Variants in COLEC12 observed in about 807,000 individuals in gnomAD.
COLEC12 encodes collectin subfamily member 12, also known as collectin-12.
Under a neutral mutation model 71.1 loss-of-function variants are expected in COLEC12, and 33 were observed. That is an observed-to-expected ratio of 0.46 (90% CI 0.35 to 0.62). The LOEUF (loss-of-function observed/expected upper bound fraction) is 0.62. Ranked by LOEUF, COLEC12 falls within the 20% of genes least tolerant of loss-of-function variation. COLEC12 has a pLI of 0.00. For missense variants in COLEC12, 765 were observed against 916.1 expected (o/e 0.84, Z 2.13); for synonymous variants, 350 against 353.0 (o/e 0.99, Z 0.10).
chr18:390,299 C>T (rs915530384), intron 2 of COLEC12, among the ~76,000 whole-genome samples: 1 of 128,234 alleles, frequency 7.8e-6, no homozygotes, highest in Admixed American at 9.2e-5. Context: ...TCTCCTCCTT[C>T]GAGCTATTTC....
intron 3 of COLEC12, among the ~76,000 whole-genome samples, chr18:351,019 G>C (rs1360398145): frequency 6.6e-6 from 1 of 151,016 alleles, no homozygotes; most frequent in African/African-American, 2.4e-5. Context: ...TCAATTATGA[G>C]CCAACGGATC....
intron 2 of COLEC12, among the ~76,000 whole-genome samples, chr18:392,098 G>A (rs1202633793): frequency 1.3e-5 from 2 of 152,204 alleles, no homozygotes; most frequent in Admixed American, 1.3e-4. Context: ...GACTGTGCCT[G>A]TCTCTCCGTG....
rs576651906 is a variant in COLEC12, at chr18:318,013, G to A, written c.*2032C>T. ...TTCTTTTTGAGATGAGTCTCGCTCT[G>A]TCGCCCAGGCTGGAGTGCAGTGGCG... On this transcript the variant is annotated 3_prime_UTR_variant, in exon 10 of 10. Coordinates refer to ENST00000400256, the MANE Select transcript of COLEC12 (RefSeq NM_130386.3). 10 of 148,140 alleles carry A rather than the reference G, an allele frequency of 6.8e-5. No homozygotes were observed. The highest frequency in any genetic ancestry group is 2.2e-4 in the African/African-American group (9 of 40,480). 9.2% of individuals were successfully genotyped at this position (148,140 alleles called of 1,614,324 possible). A position where few individuals can be genotyped will look rare whatever the true frequency, so the allele number is the denominator to read the frequency against.
chr18:440,772 A>G (rs1291779044), intron 2 of COLEC12, among the ~76,000 whole-genome samples: 2 of 152,170 alleles, frequency 1.3e-5, no homozygotes, highest in African/African-American at 2.4e-5. Context: ...GCATTTTCAC[A>G]TATGTTAATG....
Position 346,687 on chromosome 18 carries a change from T to C in COLEC12, c.935A>G (p.Lys312Arg). 1 of 1,614,234 alleles carries C rather than the reference T, an allele frequency of 6.2e-7. No homozygotes were observed. Among genetic ancestry groups the C allele is most frequent in the Non-Finnish European group, 8.5e-7 (1 of 1,180,028 alleles). ...TISQANEQNL[K>R]DLQDLHKDAE... ...ATCTTTGTGTAAGTCCTGCAGGTCT[T>C]TCAGGTTCTGCTCGTTGGCTTGAGA... Residue 312 changes from lysine (K) to arginine (R), a missense_variant, in exon 5 of 10, where the codon AAA becomes AGA. Coordinates refer to ENST00000400256, the MANE Select transcript of COLEC12 (RefSeq NM_130386.3). This position sits in a 1 kb window ranked among gnomAD's most constrained non-coding sequence, Gnocchi z 4.0.
intron 2 of COLEC12, among the ~76,000 whole-genome samples, chr18:414,149 C>T (rs1366434492): frequency 6.6e-6 from 1 of 152,174 alleles, no homozygotes; most frequent in Admixed American, 6.5e-5. Context: ...GTAAGGGGTA[C>T]ATAGGAACTC....
chr18:470,434 C>G (rs1266796241), intron 2 of COLEC12, among the ~76,000 whole-genome samples: 1 of 151,534 alleles, frequency 6.6e-6, no homozygotes, highest in African/African-American at 2.4e-5. Context: ...GGGGTTTCAC[C>G]ATGTTGGCCA....
rs1356628870 is a variant in COLEC12 at position 408,795 on chromosome 18, TCAGAAATGATTGTGTAC to T, written c.59-51290_59-51274del. Among the ~76,000 whole-genome samples, 4 of 152,202 alleles carry T rather than the reference TCAGAAATGATTGTGTAC, an allele frequency of 2.6e-5. No homozygotes were observed. The East Asian group carries it at 7.7e-4, about 29-fold the overall frequency. ...CTAAAATAGGATTGAACTGCCTAAT[TCAGAAATGATTGTGTAC>T]CATACTTATTTAATTTTTAATTTTT... On this transcript the variant is annotated intron_variant, in intron 2 of 9. Coordinates refer to ENST00000400256, the MANE Select transcript of COLEC12 (RefSeq NM_130386.3). This position sits in a 1 kb window ranked among gnomAD's most constrained non-coding sequence, Gnocchi z 4.3.
intron 5 of COLEC12, among the ~76,000 whole-genome samples, chr18:335,556 G>A (rs907103524): frequency 2.0e-5 from 3 of 152,126 alleles, no homozygotes; most frequent in Non-Finnish European, 4.4e-5. Flanking sequence ...AAAGAAGAGG[G>A]GATTAGGTCA....
At chr18:472,692 A>AAG (rs1917224091) in intron 2 of COLEC12, among the ~76,000 whole-genome samples, 1 of 150,722 alleles carries the variant, frequency 6.6e-6, no homozygotes, top group Non-Finnish European at 1.5e-5. Flanking sequence ...AAAAAAAAAA[A>AAG]AAAAAAAAAA....
chr18:453,472 A>T (rs1017899830), intron 2 of COLEC12, among the ~76,000 whole-genome samples: 5 of 152,190 alleles, frequency 3.3e-5, no homozygotes, highest in African/African-American at 1.2e-4. Context: ...ACAGAGACAG[A>T]GACAGAACAC....
In COLEC12 at chr18:424,495, T is replaced by C. The variant is rs772443866; in HGVS notation, c.58+56212A>G. 4.6e-5 allele frequency: 7 copies of C among 152,366 alleles called. No homozygotes were observed. In the East Asian group the frequency reaches 7.7e-4, roughly 17 times the overall value. 9.4% of individuals were successfully genotyped at this position (152,366 alleles called of 1,614,324 possible). On this transcript the variant is annotated intron_variant, in intron 2 of 9. Transcript: ENST00000400256. ...TTAGAATAGCCTTTGAGGTTTTTCC[T>C]ATGTTGTTTTATAAGAGGCTTCTGC...
intron 2 of COLEC12, among the ~76,000 whole-genome samples, chr18:359,696 T>C (rs1158469454): frequency 6.6e-6 from 1 of 152,212 alleles, no homozygotes; most frequent in African/African-American, 2.4e-5. Flanking sequence ...GAAAATCACA[T>C]TGTAAGGAAT....
intron 2 of COLEC12, among the ~76,000 whole-genome samples, chr18:388,783 G>GC (rs1356636694): frequency 1.3e-5 from 2 of 152,200 alleles, no homozygotes; most frequent in Non-Finnish European, 2.9e-5. Flanking sequence ...GGACTAAACA[G>GC]AGATGAGGTT....
At chr18:369,346 G>A (rs1914941801) in intron 2 of COLEC12, among the ~76,000 whole-genome samples, 1 of 151,200 alleles carries the variant, frequency 6.6e-6, no homozygotes, top group African/African-American at 2.4e-5. Flanking sequence ...GCTTGGACAT[G>A]AAGCATCGTT....
At chr18:333,269 GC>G in intron 6 of COLEC12, 126 bp from the exon 7 acceptor site, 1 of 742,438 alleles carries the variant, frequency 1.3e-6, no homozygotes, top group Non-Finnish European at 2.2e-6. Context: ...CCTGCACGAG[GC>G]CCACAGCTGA....
In COLEC12 at chr18:470,330, C is replaced by T. The variant is rs534623221; in HGVS notation, c.58+10377G>A. Among the ~76,000 whole-genome samples, 525 of 141,478 alleles carry T rather than the reference C, an allele frequency of 3.7e-3. 4 individuals are homozygous for T. The highest frequency in any genetic ancestry group is 0.013 in the African/African-American group (499 of 37,906). 92.8% of individuals were successfully genotyped at this position (141,478 alleles called of 152,430 possible). A position where few individuals can be genotyped will look rare whatever the true frequency, so the allele number is the denominator to read the frequency against. On this transcript the variant is annotated intron_variant, in intron 2 of 9. Coordinates refer to ENST00000400256, the MANE Select transcript of COLEC12 (RefSeq NM_130386.3). ...CACTGCAACCTCCGTCTCCCAGGTT[C>T]AAGCAATTCTCCTGCCTCAGCCTCC...
At chr18:455,986 T>C (rs76863799) in intron 2 of COLEC12, among the ~76,000 whole-genome samples, 12,523 of 152,182 alleles carry the variant, frequency 0.082, 663 homozygotes, top group East Asian at 0.14. Context: ...ACTGACACAA[T>C]AGTTAAGTGT....
intron 9 of COLEC12, 47 bp downstream of exon 9, chr18:321,615 T>C (rs1913705745): frequency 2.5e-6 from 4 of 1,610,626 alleles, no homozygotes; most frequent in Non-Finnish European, 3.4e-6. Flanking sequence ...CACCCTTTCA[T>C]AGGACATAAG....
Sources: allele counts gnomAD v4.1 joint callset (sites outside exome capture counted in the v4.1 genomes callset), GRCh38; gene constraint gnomAD v4.1.1; non-coding constraint Gnocchi (gnomAD v3.1); transcripts MANE v1.5; gene names NCBI Gene and HGNC (gene_info 2026-07-23, HGNC 2026-07-21).